ANKRD6: variants seen among roughly 807,000 people sequenced by gnomAD.
The protein encoded by ANKRD6 is ankyrin repeat domain 6.
A neutral mutation model predicts 82.3 loss-of-function variants in ANKRD6; 56 were observed. The ratio of observed to expected loss-of-function variants is 0.68; its 90% CI spans 0.55 to 0.85. ANKRD6 has a LOEUF of 0.85. Among genes scored for constraint, ANKRD6 ranks in the 40% least tolerant of loss-of-function variants. The pLI, the probability that ANKRD6 is intolerant of heterozygous loss-of-function variation, is 0.00. For synonymous variants in ANKRD6, 347 were observed against 352.1 expected, an observed-to-expected ratio of 0.99 and a Z score of 0.16; for missense variants, 852 against 907.6, an observed-to-expected ratio of 0.94 and a Z score of 0.79.
At chr6:89,595,705 T>C (rs770952440) in intron 2 of ANKRD6, among the ~76,000 whole-genome samples, 4 of 152,162 alleles carry the variant, frequency 2.6e-5, no homozygotes, top group Admixed American at 6.5e-5. Context: ...TTTGAACATA[T>C]CGTGTTCATT....
At chr6:89,447,435 G>T (rs1007582033) in intron 1 of ANKRD6, among the ~76,000 whole-genome samples, 3 of 152,218 alleles carry the variant, frequency 2.0e-5, no homozygotes, top group African/African-American at 7.2e-5. Flanking sequence ...ATTGTGTAAA[G>T]GCTGAGAGAG....
chr6:89,554,832 A>T (rs967231388), intron 1 of ANKRD6, among the ~76,000 whole-genome samples: 2 of 152,222 alleles, frequency 1.3e-5, no homozygotes, highest in African/African-American at 2.4e-5. Context: ...AAGATATTCA[A>T]AGAAGCACAA....
chr6:89,524,500 C>A (rs1049446299), intron 1 of ANKRD6, among the ~76,000 whole-genome samples: 1 of 152,146 alleles, frequency 6.6e-6, no homozygotes, highest in Non-Finnish European at 1.5e-5. Flanking sequence ...TAAAAGGGAA[C>A]AAAATAACGA....
chr6:89,604,928 C>CT (rs1798146981), intron 4 of ANKRD6, among the ~76,000 whole-genome samples: 1 of 152,226 alleles, frequency 6.6e-6, no homozygotes, highest in South Asian at 2.1e-4. Context: ...GCACTGACCT[C>CT]TGCTGATTGC....
At chr6:89,526,442 G>T (rs1041077815) in intron 1 of ANKRD6, among the ~76,000 whole-genome samples, 9 of 152,188 alleles carry the variant, frequency 5.9e-5, no homozygotes, top group Admixed American at 4.6e-4. Flanking sequence ...GCCCACAGTA[G>T]TCCTGTTGGC....
chr6:89,571,004 C>T (rs1423323949), intron 2 of ANKRD6, among the ~76,000 whole-genome samples: 1 of 152,204 alleles, frequency 6.6e-6, no homozygotes, highest in East Asian at 1.9e-4. Flanking sequence ...CAACAGTGCA[C>T]AAGGGTTCCC....
chr6:89,629,039 A>G (rs1806664827), intron 14 of ANKRD6, 73 bp from the exon 15 acceptor site: 1 of 1,498,588 alleles, frequency 6.7e-7, no homozygotes, highest in Non-Finnish European at 9.0e-7. Context: ...TGATGCTTTA[A>G]TTCATAAACC....
chr6:89,602,822 A>G (rs1259209654), intron 3 of ANKRD6: 2 of 533,300 alleles, frequency 3.8e-6, no homozygotes, highest in African/African-American at 1.9e-5. Flanking sequence ...CTCTTAGTTT[A>G]TGAACAAAAT....
chr6:89,611,569 T>C (rs559930016), intron 5 of ANKRD6, among the ~76,000 whole-genome samples: 2 of 152,374 alleles, frequency 1.3e-5, no homozygotes, highest in East Asian at 3.9e-4. Flanking sequence ...CCCTTGGTTG[T>C]CATTGTGATG....
chr6:89,477,399 T>G (rs1776175193), intron 1 of ANKRD6, among the ~76,000 whole-genome samples: 1 of 152,126 alleles, frequency 6.6e-6, no homozygotes. Flanking sequence ...AAAAAAAATT[T>G]GAGATCATAC....
At chr6:89,627,203 T>C (rs1805998966) in intron 13 of ANKRD6, among the ~76,000 whole-genome samples, 1 of 151,892 alleles carries the variant, frequency 6.6e-6, no homozygotes, top group African/African-American at 2.4e-5. Context: ...ACTACAGGCA[T>C]GTGCCACCAC....
At chr6:89,455,454 T>A (rs1205885154) in intron 1 of ANKRD6, among the ~76,000 whole-genome samples, 5 of 152,084 alleles carry the variant, frequency 3.3e-5, no homozygotes, top group African/African-American at 1.2e-4. Context: ...ACTCACTCAC[T>A]ATTATGAGGA....
At chr6:89,451,105 C>T (rs1011585356) in intron 1 of ANKRD6, among the ~76,000 whole-genome samples, 10 of 152,140 alleles carry the variant, frequency 6.6e-5, no homozygotes, top group African/African-American at 2.4e-4. Context: ...CCCAGGAATT[C>T]AAGAGCAACC....
chr6:89,616,920 G>A (rs1801721825), intron 8 of ANKRD6: 1 of 614,970 alleles, frequency 1.6e-6, no homozygotes, highest in South Asian at 1.5e-5. Context: ...AGAACTCAGG[G>A]ATGTCCAGTT....
chr6:89,589,584 A>G (rs573507802), intron 2 of ANKRD6, among the ~76,000 whole-genome samples: 7 of 152,238 alleles, frequency 4.6e-5, no homozygotes, highest in Admixed American at 1.3e-4. Context: ...CCCACTCCCA[A>G]CTGGGAATTG....
intron 1 of ANKRD6, among the ~76,000 whole-genome samples, chr6:89,545,002 A>G (rs1264222402): frequency 6.6e-6 from 1 of 151,972 alleles, no homozygotes; most frequent in Non-Finnish European, 1.5e-5. Flanking sequence ...TCACGAGATC[A>G]GGAGATCCAG....
intron 1 of ANKRD6, among the ~76,000 whole-genome samples, chr6:89,485,443 T>C (rs1777257862): frequency 6.6e-6 from 1 of 152,138 alleles, no homozygotes; most frequent in Non-Finnish European, 1.5e-5. Context: ...GGACCTGGGT[T>C]TTTTGGTTGG....
chr6:89,582,164 T>C (rs1329066245), intron 2 of ANKRD6, among the ~76,000 whole-genome samples: 1 of 152,196 alleles, frequency 6.6e-6, no homozygotes, highest in African/African-American at 2.4e-5. Context: ...AGTAAGATGA[T>C]ACAACTGTTT....
intron 1 of ANKRD6, among the ~76,000 whole-genome samples, chr6:89,446,272 A>G (rs1772074742): frequency 6.6e-6 from 1 of 152,090 alleles, no homozygotes. Flanking sequence ...GAATCCCTTG[A>G]ATCTGGGAGG....
Sources: allele counts gnomAD v4.1 joint callset (sites outside exome capture counted in the v4.1 genomes callset), GRCh38; gene constraint gnomAD v4.1.1; transcripts MANE v1.5; gene names NCBI Gene and HGNC (gene_info 2026-07-23, HGNC 2026-07-21).